The following G3BP2 variants were observed in gnomAD, a reference collection of about 807,000 sequenced individuals.
G3BP2 encodes the protein G3BP stress granule assembly factor 2.
G3BP2 carries 11 observed loss-of-function variants against 56.7 expected under a neutral mutation model. That is an observed-to-expected ratio of 0.19 (90% CI 0.12 to 0.32). G3BP2 has a LOEUF of 0.32. Ranked by LOEUF, G3BP2 falls within the 10% of genes least tolerant of loss-of-function variation. The probability of loss-of-function intolerance (pLI) is 1.00; values close to 1 mark genes in which losing one functional copy is unlikely to be tolerated. For missense variants in G3BP2, 340 were observed against 610.9 expected, an observed-to-expected ratio of 0.56 and a Z score of 4.67; for synonymous variants, 165 against 191.6, an observed-to-expected ratio of 0.86 and a Z score of 1.15.
intron 3 of G3BP2, among the ~76,000 whole-genome samples, chr4:75,703,534 T>C (rs1023864649): frequency 2.0e-5 from 3 of 152,156 alleles, no homozygotes; most frequent in African/African-American, 7.2e-5. Context: ...AACAGGGTTT[T>C]TAGCCAGTCC....
intron 3 of G3BP2, among the ~76,000 whole-genome samples, chr4:75,690,864 G>A (rs1718827101): frequency 6.6e-6 from 1 of 151,724 alleles, no homozygotes; most frequent in Admixed American, 6.6e-5. Flanking sequence ...GTACCAGGGA[G>A]ACAAAAATGT....
upstream of G3BP2, among the ~76,000 whole-genome samples, chr4:75,677,368 C>G (rs1433271322): frequency 6.6e-6 from 1 of 151,950 alleles, no homozygotes; most frequent in African/African-American, 2.4e-5. Flanking sequence ...GTCAGGAGTT[C>G]GAGACCAGCC....
chr4:75,724,051 T>C (rs766758199), intron 1 of G3BP2: 4 of 152,026 alleles, frequency 2.6e-5, no homozygotes, highest in Non-Finnish European at 4.4e-5. Flanking sequence ...AAAATAGAGG[T>C]GTACCTGGTG....
chr4:75,673,507 C>T (rs543969951), upstream of G3BP2: 3 of 1,232,280 alleles, frequency 2.4e-6, no homozygotes, highest in African/African-American at 3.1e-5. Flanking sequence ...CACGCATCTC[C>T]TCCAGAGCCG....
At chr4:75,707,416 T>A (rs977887385) in intron 3 of G3BP2, among the ~76,000 whole-genome samples, 2 of 151,692 alleles carry the variant, frequency 1.3e-5, no homozygotes, top group East Asian at 3.9e-4. Flanking sequence ...GGTCAGGAGA[T>A]CAAGGCCACG....
intron 4 of G3BP2, among the ~76,000 whole-genome samples, chr4:75,657,256 TAGAAA>T (rs1311392183): frequency 6.6e-6 from 1 of 152,208 alleles, no homozygotes; most frequent in African/African-American, 2.4e-5. Flanking sequence ...AGCTATTTAA[TAGAAA>T]AGAAACCAAA....
In G3BP2 at chr4:75,673,277, G is replaced by A; in HGVS notation, c.-94C>T. The stretch of plus-strand genomic sequence containing the variant: ...GAGTCGCTGAGGACCGGGTGCGGCG[G>A]GTTCTTATTGCTCGCCGCCCCCTTC... On this transcript the variant is annotated 5_prime_UTR_variant, in exon 1 of 12. Transcript: ENST00000359707. The A allele has an allele frequency of 8.1e-7, 1 of 1,227,040 alleles. No individual in the cohort carries two copies. The highest frequency in any genetic ancestry group is 1.0e-6 in the Non-Finnish European group (1 of 985,248). 76.0% of individuals were successfully genotyped at this position (1,227,040 alleles called of 1,614,324 possible).
At chr4:75,713,145 C>T (rs1719817369) in intron 3 of G3BP2, among the ~76,000 whole-genome samples, 1 of 152,162 alleles carries the variant, frequency 6.6e-6, no homozygotes. Context: ...ATCCTCCCTT[C>T]TATTGAGAGA....
At chr4:75,677,062 A>G (rs1022098402), upstream of G3BP2, among the ~76,000 whole-genome samples, 1 of 152,220 alleles carries the variant, frequency 6.6e-6, no homozygotes. Context: ...AAATTTTTAA[A>G]AGTAAAATTA....
chr4:75,670,788 T>TCTCCTGA (rs146436972), intron 1 of G3BP2, among the ~76,000 whole-genome samples: 1 of 150,354 alleles, frequency 6.7e-6, no homozygotes, highest in African/African-American at 2.5e-5. Context: ...TGAAATCAGG[T>TCTCCTGA]CTCCTGACTC....
chr4:75,668,215 T>C (rs1207434163), intron 1 of G3BP2, among the ~76,000 whole-genome samples: 1 of 152,234 alleles, frequency 6.6e-6, no homozygotes, highest in Non-Finnish European at 1.5e-5. Context: ...GAAAGTCACA[T>C]TGAGCTTCAT....
At chr4:75,652,414 G>C (rs1731763830) in intron 8 of G3BP2, among the ~76,000 whole-genome samples, 1 of 152,158 alleles carries the variant, frequency 6.6e-6, no homozygotes, top group Non-Finnish European at 1.5e-5. Flanking sequence ...CTTGGGTCAG[G>C]AGTTTGAGAC....
At chr4:75,701,127 G>A (rs1719327502) in intron 3 of G3BP2, among the ~76,000 whole-genome samples, 1 of 151,880 alleles carries the variant, frequency 6.6e-6, no homozygotes, top group African/African-American at 2.4e-5. Context: ...ACAGGCGTGA[G>A]CCACCACGCC....
chr4:75,667,564 C>A (rs1056023002), intron 1 of G3BP2, among the ~76,000 whole-genome samples: 3 of 152,166 alleles, frequency 2.0e-5, no homozygotes, highest in Admixed American at 1.3e-4. Context: ...AAAGCTCTCT[C>A]ATGAACAAAT....
At chr4:75,709,733 TTA>T (rs1211409487) in intron 3 of G3BP2, among the ~76,000 whole-genome samples, 11 of 152,204 alleles carry the variant, frequency 7.2e-5, no homozygotes, top group Non-Finnish European at 1.5e-4. Flanking sequence ...TCGTGTCTCA[TTA>T]TGTTGCCCAG....
upstream of G3BP2, among the ~76,000 whole-genome samples, chr4:75,675,866 A>C (rs1350787474): frequency 6.6e-6 from 1 of 152,130 alleles, no homozygotes; most frequent in East Asian, 1.9e-4. Flanking sequence ...TAGATAGTAA[A>C]TATTTTTGGT....
rs115287508 is a variant in G3BP2, at chr4:75,701,200, T to A, written c.-25+19677A>T. ...AAAATATTTTTCTTATCCCCCCCAA[T>A]TTGCAAAAAGGAATCTTGTTGACTT... On this transcript the variant is annotated intron_variant, in intron 3 of 3. Coordinates refer to the G3BP2 transcript ENST00000499709. 4.0e-3 allele frequency among the ~76,000 whole-genome samples: 611 copies of A among 152,168 alleles called. 5 individuals are homozygous for A. Among genetic ancestry groups the A allele is most frequent in the African/African-American group, 0.014 (572 of 41,542 alleles).
chr4:75,723,798 C>T (rs982536676), intron 1 of G3BP2, among the ~76,000 whole-genome samples: 1 of 151,920 alleles, frequency 6.6e-6, no homozygotes, highest in Non-Finnish European at 1.5e-5. Flanking sequence ...TGCTTTTTAG[C>T]CTCAAGAAAT....
intron 2 of G3BP2, 32 bp from the exon 3 acceptor site, chr4:75,658,956 A>T (rs1732331148): frequency 6.7e-7 from 1 of 1,486,002 alleles, no homozygotes; most frequent in Admixed American, 1.7e-5. Flanking sequence ...TTAACACTGA[A>T]TTGTCAAGAG....
Sources: gnomAD v4.1 joint callset for allele counts (sites outside exome capture counted in the v4.1 genomes callset) on GRCh38, gnomAD v4.1.1 for gene constraint, MANE v1.5 for transcripts, NCBI Gene and HGNC (gene_info 2026-07-23, HGNC 2026-07-21) for gene names.